The following XPR1 variants were observed in gnomAD, a reference collection of about 807,000 sequenced individuals.
XPR1 encodes solute carrier family 53 member 1.
In XPR1, 28 loss-of-function variants were observed where a neutral mutation model predicts 87.5. The observed-to-expected ratio is 0.32, with a 90% CI of 0.24 to 0.44. The LOEUF (loss-of-function observed/expected upper bound fraction) is 0.44, where lower values mean the gene tolerates loss of function less well. XPR1 is among the 20% of genes least tolerant of loss of function. The pLI, the probability that XPR1 is intolerant of heterozygous loss-of-function variation, is 1.00. For missense variants in XPR1, 559 were observed against 862.3 expected, an observed-to-expected ratio of 0.65 and a Z score of 4.41; for synonymous variants, 300 against 306.1, an observed-to-expected ratio of 0.98 and a Z score of 0.21.
chr1:180,720,855 T>C (rs1349619092), intron 2 of XPR1, among the ~76,000 whole-genome samples: 1 of 152,228 alleles, frequency 6.6e-6, no homozygotes, highest in Non-Finnish European at 1.5e-5. Context: ...TGTGCCCTTA[T>C]CATGCCTTTA....
At chr1:180,852,517 GAGAA>G (rs1040847802) in intron 11 of XPR1, among the ~76,000 whole-genome samples, 1 of 151,980 alleles carries the variant, frequency 6.6e-6, no homozygotes, top group African/African-American at 2.4e-5. Context: ...TATTTTGAGA[GAGAA>G]AGAGACCACA....
intron 3 of XPR1, among the ~76,000 whole-genome samples, chr1:180,792,590 T>C (rs1052096875): frequency 6.6e-6 from 1 of 152,204 alleles, no homozygotes; most frequent in Admixed American, 6.5e-5. Context: ...GTTAAAAAAT[T>C]GACATTTATT....
intron 2 of XPR1, among the ~76,000 whole-genome samples, chr1:180,701,447 AGGC>A (rs1293815250): frequency 1.5e-5 from 2 of 129,300 alleles, no homozygotes; most frequent in African/African-American, 7.0e-5. Flanking sequence ...ATTTTGTCAA[AGGC>A]TTTTTCTGCA....
chr1:180,734,702 T>C (rs534354643), intron 2 of XPR1, among the ~76,000 whole-genome samples: 49 of 152,268 alleles, frequency 3.2e-4, no homozygotes, highest in African/African-American at 1.2e-3. Flanking sequence ...AGTAATTGGC[T>C]AGAGAACAAG....
intron 1 of XPR1, among the ~76,000 whole-genome samples, chr1:180,666,019 G>C (rs1655948680): frequency 6.6e-6 from 1 of 151,950 alleles, no homozygotes; most frequent in Non-Finnish European, 1.5e-5. Flanking sequence ...CCTTCTTTTG[G>C]GTATAGATAT....
In XPR1 at chr1:180,884,251, G is replaced by T; in HGVS notation, c.*185G>T. The T allele has an allele frequency of 1.1e-5, 5 of 471,344 alleles. No individual in the cohort carries two copies. The highest frequency in any genetic ancestry group is 4.1e-5 in the South Asian group (1 of 24,488). 29.2% of individuals were successfully genotyped at this position (471,344 alleles called of 1,614,324 possible). ...CACTGTGTTTCTTTTCTTTTCTTCT[G>T]GTTTAATTTTAATTTTCTATTTTCA... is the stretch of plus-strand genomic sequence containing the variant. On this transcript the variant is annotated 3_prime_UTR_variant, in exon 15 of 15. Transcript: ENST00000367590.
intron 11 of XPR1, among the ~76,000 whole-genome samples, chr1:180,842,775 T>G (rs574766578): frequency 1.1e-4 from 16 of 152,346 alleles, no homozygotes; most frequent in African/African-American, 3.6e-4. Context: ...TTCATTAGAT[T>G]TTCTATTTTT....
At chr1:180,716,872 C>T (rs995701265) in intron 2 of XPR1, among the ~76,000 whole-genome samples, 7 of 152,176 alleles carry the variant, frequency 4.6e-5, no homozygotes, top group African/African-American at 1.7e-4. Flanking sequence ...TCCAGGTCCT[C>T]CTTCTTGCCT....
chr1:180,740,145 A>C (rs1658868429), intron 2 of XPR1, among the ~76,000 whole-genome samples: 4 of 152,012 alleles, frequency 2.6e-5, no homozygotes, highest in Admixed American at 6.5e-5. Context: ...CTTCCTTTTC[A>C]AACTGTATGC....
intron 11 of XPR1, among the ~76,000 whole-genome samples, chr1:180,846,419 T>G (rs1651687269): frequency 6.8e-6 from 1 of 147,476 alleles, no homozygotes; most frequent in African/African-American, 2.5e-5. Context: ...AATTTCTTGT[T>G]TGTTTGTTTT....
At chr1:180,831,351 C>T (rs115150951) in intron 9 of XPR1, among the ~76,000 whole-genome samples, 2 of 96,060 alleles carry the variant, frequency 2.1e-5, no homozygotes, top group Non-Finnish European at 4.2e-5. Context: ...TTTCTATTTT[C>T]TTTTCTTTTT....
intron 3 of XPR1, among the ~76,000 whole-genome samples, chr1:180,799,857 G>T (rs369115519): frequency 2.0e-5 from 3 of 152,218 alleles, no homozygotes; most frequent in East Asian, 1.9e-4. Context: ...ATCCGGAATA[G>T]CAGCTGCTAT....
chr1:180,657,439 CT>C (rs140836467), intron 1 of XPR1, among the ~76,000 whole-genome samples: 2,532 of 152,200 alleles, frequency 0.017, 67 homozygotes, highest in African/African-American at 0.056. Context: ...AGATTTAAGC[CT>C]TTAATCCACT....
intron 14 of XPR1, among the ~76,000 whole-genome samples, chr1:180,880,618 G>A (rs1376437766): frequency 1.3e-5 from 2 of 152,126 alleles, no homozygotes; most frequent in Non-Finnish European, 2.9e-5. Flanking sequence ...TAATTTTTAT[G>A]TTATAAACTT....
intron 11 of XPR1, among the ~76,000 whole-genome samples, chr1:180,852,289 C>G (rs1651888956): frequency 6.6e-6 from 1 of 151,926 alleles, no homozygotes; most frequent in Non-Finnish European, 1.5e-5. Context: ...ATCCCATATA[C>G]CCTTTGCATA....
At chr1:180,674,582 A>G (rs1468853635) in intron 1 of XPR1, among the ~76,000 whole-genome samples, 1 of 150,738 alleles carries the variant, frequency 6.6e-6, no homozygotes, top group African/African-American at 2.4e-5. Flanking sequence ...TTTAAGAGAC[A>G]GGGTTTTTAC....
intron 1 of XPR1, among the ~76,000 whole-genome samples, chr1:180,632,505 C>G (rs953000738): frequency 2.6e-5 from 4 of 152,100 alleles, no homozygotes; most frequent in African/African-American, 9.7e-5. Flanking sequence ...AGGCGGAGGG[C>G]CGGGAGGAAA....
intron 6 of XPR1, among the ~76,000 whole-genome samples, chr1:180,808,287 CAAA>C (rs77203238): frequency 7.9e-6 from 1 of 126,064 alleles, no homozygotes; most frequent in Non-Finnish European, 1.7e-5. Context: ...TTCCATATAC[CAAA>C]AAAAAAAAAA....
intron 2 of XPR1, among the ~76,000 whole-genome samples, chr1:180,785,802 A>T (rs1217562924): frequency 6.6e-6 from 1 of 151,920 alleles, no homozygotes; most frequent in Admixed American, 6.6e-5. Flanking sequence ...TTCTTTCCTA[A>T]CAATAGAGAA....
Sources: gnomAD v4.1 joint callset for allele counts (sites outside exome capture counted in the v4.1 genomes callset) on GRCh38, gnomAD v4.1.1 for gene constraint, MANE v1.5 for transcripts, NCBI Gene and HGNC (gene_info 2026-07-23, HGNC 2026-07-21) for gene names.